TNR: variants seen among roughly 807,000 people sequenced by gnomAD.
TNR encodes tenascin-R.
TNR carries 45 observed loss-of-function variants against 150.4 expected under a neutral mutation model. The observed-to-expected ratio is 0.30, with a 90% CI of 0.24 to 0.38. The LOEUF (loss-of-function observed/expected upper bound fraction) is 0.38. Among genes scored for constraint, TNR ranks in the 10% least tolerant of loss-of-function variants. The pLI is 1.00. For synonymous variants in TNR, 687 were observed against 678.4 expected, an observed-to-expected ratio of 1.01 and a Z score of -0.20; for missense variants, 1,544 against 1,759.1, an observed-to-expected ratio of 0.88 and a Z score of 2.19.
At chr1:175,464,039 T>A (rs1656927976) in intron 2 of TNR, among the ~76,000 whole-genome samples, 1 of 152,264 alleles carries the variant, frequency 6.6e-6, no homozygotes. Flanking sequence ...GGTTATCACA[T>A]AAGCTTGTTA....
At chr1:175,445,824 T>C (rs1309456683) in intron 2 of TNR, among the ~76,000 whole-genome samples, 1 of 152,242 alleles carries the variant, frequency 6.6e-6, no homozygotes, top group Non-Finnish European at 1.5e-5. Context: ...ACGTTGTATC[T>C]GTTTTCATTA....
chr1:175,718,570 C>T (rs1667218771), intron 1 of TNR, among the ~76,000 whole-genome samples: 1 of 152,196 alleles, frequency 6.6e-6, no homozygotes, highest in South Asian at 2.1e-4. Context: ...GGTGGGTCCA[C>T]CTGGGCTTGT....
intron 2 of TNR, among the ~76,000 whole-genome samples, chr1:175,408,427 T>C (rs1198970037): frequency 1.3e-5 from 2 of 152,260 alleles, no homozygotes; most frequent in Admixed American, 1.3e-4. Flanking sequence ...GGGTTGATTT[T>C]ATTAGGAGTA....
intron 2 of TNR, among the ~76,000 whole-genome samples, chr1:175,519,940 C>T (rs1441834139): frequency 1.3e-5 from 2 of 152,200 alleles, no homozygotes; most frequent in Admixed American, 6.5e-5. Context: ...TGGACTCAAA[C>T]TACTTGGGTT....
At position 175,554,036 on chromosome 1, in the gene TNR, T is replaced by C. The variant is rs188901022; in HGVS notation, c.-164-25667A>G. On this transcript the variant is annotated intron_variant, in intron 1 of 22. Coordinates refer to ENST00000367674, the MANE Select transcript of TNR (RefSeq NM_003285.3). ...CACCTTTCTTCTCTCATGGGATGGC[T>C]GGAAATGGGCATATTTCCTTGCTGG... Among the ~76,000 whole-genome samples the C allele has an allele frequency of 8.5e-4, 130 of 152,322 alleles. No homozygotes were observed. In the East Asian group the frequency reaches 0.019, roughly 22 times the overall value.
intron 1 of TNR, among the ~76,000 whole-genome samples, chr1:175,547,672 AAGAG>A (rs1160762175): frequency 1.3e-5 from 2 of 150,208 alleles, no homozygotes; most frequent in East Asian, 1.9e-4. Flanking sequence ...GAAAGAAAGA[AAGAG>A]AGAGAGAAAG....
intron 2 of TNR, among the ~76,000 whole-genome samples, chr1:175,465,304 A>G (rs897368007): frequency 6.6e-6 from 1 of 152,256 alleles, no homozygotes; most frequent in African/African-American, 2.4e-5. Flanking sequence ...GGGTTAAAAC[A>G]AACAACCCAT....
intron 6 of TNR, among the ~76,000 whole-genome samples, chr1:175,393,235 A>G (rs1008565156): frequency 1.3e-5 from 2 of 152,230 alleles, no homozygotes; most frequent in African/African-American, 4.8e-5. Context: ...GTCATAGACT[A>G]ATAAAAAAGT....
At chr1:175,669,402 C>T (rs1487060897) in intron 1 of TNR, among the ~76,000 whole-genome samples, 1 of 152,208 alleles carries the variant, frequency 6.6e-6, no homozygotes, top group Non-Finnish European at 1.5e-5. Context: ...CCTTTGCATA[C>T]ATACTCCATT....
intron 1 of TNR, among the ~76,000 whole-genome samples, chr1:175,721,570 C>T (rs545599473): frequency 2.6e-5 from 4 of 152,260 alleles, no homozygotes; most frequent in East Asian, 1.9e-4. Context: ...CTGACAATGC[C>T]GTGGGCTTCT....
At chr1:175,421,305 C>G (rs1233101315) in intron 2 of TNR, among the ~76,000 whole-genome samples, 8 of 152,206 alleles carry the variant, frequency 5.3e-5, no homozygotes, top group Admixed American at 5.2e-4. Context: ...ACACTTGATT[C>G]TTTCCTTGGA....
intron 1 of TNR, among the ~76,000 whole-genome samples, chr1:175,682,959 G>A (rs960639066): frequency 6.6e-6 from 1 of 152,138 alleles, no homozygotes; most frequent in Non-Finnish European, 1.5e-5. Context: ...AAATAGTGGG[G>A]CCGCCATTTC....
At chr1:175,579,839 G>T (rs538243813) in intron 1 of TNR, among the ~76,000 whole-genome samples, 318 of 152,116 alleles carry the variant, frequency 2.1e-3, no homozygotes, top group Non-Finnish European at 4.0e-3. Context: ...TCCCCAGGCA[G>T]GTCCTGCCTT....
In TNR at chr1:175,599,394, C is replaced by A. The variant is rs1026013860; in HGVS notation, c.-164-71025G>T. 6.6e-6 allele frequency among the ~76,000 whole-genome samples: 1 copy of A among 152,224 alleles called. No individual in the cohort carries two copies. Among genetic ancestry groups the A allele is most frequent in the African/African-American group, 2.4e-5 (1 of 41,468 alleles). ...TCACACCTCAGGCAGTCGGAGGGGC[C>A]CGGCGGAGCTGTGTTCGTGTTGTCA... On this transcript the variant is annotated intron_variant, in intron 1 of 22. Coordinates refer to ENST00000367674, the MANE Select transcript of TNR (RefSeq NM_003285.3). The surrounding 1 kb of genome is among the most constrained non-coding windows in gnomAD (Gnocchi z 4.7).
intron 18 of TNR, among the ~76,000 whole-genome samples, chr1:175,352,839 G>T (rs1651120164): frequency 6.6e-6 from 1 of 152,214 alleles, no homozygotes; most frequent in South Asian, 2.1e-4. Flanking sequence ...TAGAACCACT[G>T]GGGATATTTT....
intron 1 of TNR, among the ~76,000 whole-genome samples, chr1:175,593,173 C>T (rs377057933): frequency 7.2e-5 from 11 of 152,008 alleles, no homozygotes; most frequent in African/African-American, 2.4e-4. Flanking sequence ...GTGTAGGGAA[C>T]TCATCTCGAA....
At chr1:175,620,108 C>A (rs888430564) in intron 1 of TNR, among the ~76,000 whole-genome samples, 18 of 152,252 alleles carry the variant, frequency 1.2e-4, no homozygotes, top group African/African-American at 4.3e-4. Flanking sequence ...CTCCATCTGG[C>A]TCTTCCTTGG....
At chr1:175,623,483 G>A (rs552449549) in intron 1 of TNR, among the ~76,000 whole-genome samples, 31 of 152,280 alleles carry the variant, frequency 2.0e-4, no homozygotes, top group Admixed American at 7.8e-4. Context: ...TTGCTCACAG[G>A]ACTATTGCCT....
intron 21 of TNR, among the ~76,000 whole-genome samples, chr1:175,324,931 C>T (rs1212207517): frequency 2.0e-5 from 3 of 152,204 alleles, no homozygotes; most frequent in East Asian, 3.8e-4. Context: ...CTCAGCCTGG[C>T]TTCTCCCTGG....
Sources: allele counts gnomAD v4.1 joint callset (sites outside exome capture counted in the v4.1 genomes callset), GRCh38; gene constraint gnomAD v4.1.1; non-coding constraint Gnocchi (gnomAD v3.1); transcripts MANE v1.5; gene names NCBI Gene and HGNC (gene_info 2026-07-23, HGNC 2026-07-21).